The following FOXK2 variants were observed in gnomAD, a reference collection of about 807,000 sequenced individuals.
FOXK2 encodes forkhead box protein K2.
In FOXK2, 24 loss-of-function variants were observed where a neutral mutation model predicts 53.3. The ratio of observed to expected loss-of-function variants is 0.45; its 90% confidence interval spans 0.33 to 0.63. The LOEUF (loss-of-function observed/expected upper bound fraction) is 0.63. FOXK2 is among the 30% of genes least tolerant of loss of function. The pLI is 0.03. For synonymous variants in FOXK2, 505 were observed against 407.1 expected (o/e 1.24, Z -2.89); for missense variants, 952 against 910.5 (o/e 1.05, Z -0.59).
intron 1 of FOXK2, among the ~76,000 whole-genome samples, chr17:82,537,638 AAAAAG>A (rs2044533399): frequency 6.7e-6 from 1 of 150,310 alleles, no homozygotes; most frequent in Non-Finnish European, 1.5e-5. Context: ...AAAAAAAAAA[AAAAAG>A]GCCAGGCACA....
rs759217186 is a variant in FOXK2 at position 82,587,288 on chromosome 17, C to T, written c.1786+16C>T. On this transcript the variant is annotated intron_variant, in intron 8 of 8. Transcript: ENST00000335255. The stretch of plus-strand genomic sequence containing the variant: ...GTGAACAATGGTAAGACATGCTGGT[C>T]GGTGGCTCCCCGTGGCTGTGGGTAC... 8.1e-6 allele frequency: 13 copies of T among 1,602,516 alleles called. No homozygotes were observed. The East Asian group carries it at 1.8e-4, about 22-fold the overall frequency.
In FOXK2 at chr17:82,563,489, C is replaced by T. The variant is rs1054914322; in HGVS notation, c.555C>T (p.Asn185=). The T allele has an allele frequency of 2.5e-6, 4 of 1,614,144 alleles. No homozygotes were observed. The Admixed American group carries it at 6.7e-5, about 27-fold the overall frequency. ...VQPHISPLTI[N]IPDTMAHLIS... is the part of the protein sequence containing the mutation. Reference sequence around the variant, plus strand: ...CACACATCTCGCCCCTGACCATCAACATTCCAGACACCATGGCCCACCTCA... The same window carrying T: ...CACACATCTCGCCCCTGACCATCAATATTCCAGACACCATGGCCCACCTCA... The change falls in exon 2 of 9, where the codon AAC becomes AAT. Residue 185 remains asparagine, a synonymous_variant. Transcript: ENST00000335255.
intron 1 of FOXK2, among the ~76,000 whole-genome samples, chr17:82,557,462 G>A (rs146571853): frequency 1.3e-3 from 196 of 152,236 alleles, no homozygotes; most frequent in Non-Finnish European, 2.4e-3. Flanking sequence ...TCGTGCCTCA[G>A]CCTCCCAAGT....
chr17:82,560,592 G>C (rs140730883), intron 1 of FOXK2, among the ~76,000 whole-genome samples: 2 of 152,168 alleles, frequency 1.3e-5, no homozygotes, highest in Admixed American at 1.3e-4. Flanking sequence ...CATTGGTTTC[G>C]ATACCAGTGG....
At chr17:82,580,987 G>A (rs1011855032) in intron 4 of FOXK2, among the ~76,000 whole-genome samples, 5 of 152,252 alleles carry the variant, frequency 3.3e-5, no homozygotes, top group African/African-American at 4.8e-5. Context: ...ATGGCACTTG[G>A]ACAACCCCTG....
intron 4 of FOXK2, among the ~76,000 whole-genome samples, chr17:82,574,240 T>C (rs11653286): frequency 0.59 from 90,021 of 151,960 alleles, 27,275 homozygotes; most frequent in South Asian, 0.79. Flanking sequence ...TGTCATTTCA[T>C]GCCTCGTGGC....
chr17:82,520,216 G>T lies in FOXK2; in HGVS notation c.328G>T (p.Asp110Tyr). ...GCAGCCCAGGCCCGACGCCGGCGGC[G>T]ACTTCTACCTGCGCTGCTTGGGCAA... ...PAQPRPDAGG[D>Y]FYLRCLGKNG... Residue 110 changes from aspartate to tyrosine, a missense_variant, in exon 1 of 9, where the codon GAC becomes TAC. Physicochemically the swap from Asp to Tyr is radical, Grantham distance 160. Around this residue, in one of 5 missense-constraint regions of FOXK2, gnomAD observed 163 missense variants for 165.5 expected, o/e 0.98. Transcript: ENST00000335255. The T allele has an allele frequency of 7.5e-7, 1 of 1,326,308 alleles. No individual in the cohort carries two copies. The highest frequency in any genetic ancestry group is 9.6e-7 in the Non-Finnish European group (1 of 1,039,488). 82.2% of individuals were successfully genotyped at this position (1,326,308 alleles called of 1,614,324 possible).
Position 82,596,227 on chromosome 17 carries a change from C to T in FOXK2, c.1787-5076C>T, listed in dbSNP as rs79387310. On this transcript the variant is annotated intron_variant, in intron 8 of 8. Coordinates refer to ENST00000335255, the MANE Select transcript of FOXK2 (RefSeq NM_004514.4). ...GCTTCGCCTTCAGTAGCCTGAGTCCCTTCTTCTTTTTCTTTCACGTTACTA... is the reference window on the plus strand; with the variant it reads ...GCTTCGCCTTCAGTAGCCTGAGTCCTTTCTTCTTTTTCTTTCACGTTACTA... The T allele has an allele frequency of 7.6e-4, 746 of 987,722 alleles. 8 individuals carry two copies. In the African/African-American group the frequency reaches 0.012, roughly 16 times the overall value. 61.2% of individuals were successfully genotyped at this position (987,722 alleles called of 1,614,324 possible).
In FOXK2 at chr17:82,602,967, G is replaced by A. The variant is rs993578473; in HGVS notation, c.*1468G>A. Reference sequence around the variant, plus strand: ...TGTATTTTCCTGGTGGGATGAAATAGGGATGAAATGGCTCAGAATGGTATA... The same window carrying A: ...TGTATTTTCCTGGTGGGATGAAATAAGGATGAAATGGCTCAGAATGGTATA... On this transcript the variant is annotated 3_prime_UTR_variant, in exon 9 of 9. Transcript: ENST00000335255. The A allele has an allele frequency of 1.5e-4, 23 of 152,710 alleles. No homozygotes were observed. Among genetic ancestry groups the A allele is most frequent in the African/African-American group, 5.5e-4 (23 of 41,558 alleles). 9.5% of individuals were successfully genotyped at this position (152,710 alleles called of 1,614,324 possible).
chr17:82,563,635 T>A, intron 2 of FOXK2, 87 bp downstream of exon 2: 1 of 1,195,510 alleles, frequency 8.4e-7, no homozygotes, highest in Non-Finnish European at 1.2e-6. Context: ...GGTGCTGACT[T>A]ATGTGGAGAG....
chr17:82,536,221 T>C (rs936090620), intron 1 of FOXK2, among the ~76,000 whole-genome samples: 5 of 152,186 alleles, frequency 3.3e-5, no homozygotes, highest in Non-Finnish European at 5.9e-5. Context: ...GGCAGTTGTT[T>C]CAAAGTCTTT....
At chr17:82,591,188 G>A (rs1022015633) in intron 8 of FOXK2, among the ~76,000 whole-genome samples, 1 of 152,102 alleles carries the variant, frequency 6.6e-6, no homozygotes, top group African/African-American at 2.4e-5. Context: ...GCAGGCGCAG[G>A]GCATGAGCTG....
At chr17:82,589,005 A>T (rs1436891552) in intron 8 of FOXK2, among the ~76,000 whole-genome samples, 1 of 151,798 alleles carries the variant, frequency 6.6e-6, no homozygotes, top group East Asian at 1.9e-4. Flanking sequence ...TTCCAGTGAG[A>T]TGAGATCATG....
At chr17:82,587,853 T>G (rs1225619450) in intron 8 of FOXK2, among the ~76,000 whole-genome samples, 2 of 152,322 alleles carry the variant, frequency 1.3e-5, no homozygotes, top group Admixed American at 1.3e-4. Flanking sequence ...CATTGGGGCC[T>G]GGCTCAGGTG....
At chr17:82,522,827 G>A (rs1599874421) in intron 1 of FOXK2, among the ~76,000 whole-genome samples, 1 of 151,780 alleles carries the variant, frequency 6.6e-6, no homozygotes, top group Non-Finnish European at 1.5e-5. Context: ...ACGGAGTCTC[G>A]CTCTGTTGCC....
intron 4 of FOXK2, chr17:82,578,123 C>T (rs1267023043): frequency 6.6e-6 from 1 of 152,340 alleles, no homozygotes; most frequent in African/African-American, 2.4e-5. Context: ...TTAGACCCAT[C>T]CTCTGAAAGG....
At chr17:82,552,710 T>C (rs2044688251) in intron 1 of FOXK2, among the ~76,000 whole-genome samples, 1 of 152,136 alleles carries the variant, frequency 6.6e-6, no homozygotes, top group South Asian at 2.1e-4. Context: ...ACCATGGCCG[T>C]GTTACCCTGG....
chr17:82,549,057 G>T (rs576545027), intron 1 of FOXK2, among the ~76,000 whole-genome samples: 1 of 152,330 alleles, frequency 6.6e-6, no homozygotes, highest in African/African-American at 2.4e-5. Flanking sequence ...GCAGGACCTG[G>T]AGTGGAAATC....
chr17:82,586,030 A>C lies in FOXK2; in HGVS notation c.1406A>C (p.Gln469Pro). The C allele has an allele frequency of 6.2e-7, 1 of 1,612,824 alleles. No individual in the cohort carries two copies. The highest frequency in any genetic ancestry group is 8.5e-7 in the Non-Finnish European group (1 of 1,179,992). Residue 469 changes from glutamine (Q) to proline (P), a missense_variant, in exon 7 of 9, where the codon CAG (glutamine) becomes CCG (proline). Transcript: ENST00000335255. The stretch of plus-strand genomic sequence containing the variant: ...TCGACCTCCCAGCCACCCGTCGTGC[A>C]GACGGTTCACGTCGTCCACCAGATC... ...TTSTSQPPVV[Q>P]TVHVVHQIPA...
Sources: allele counts gnomAD v4.1 joint callset (sites outside exome capture counted in the v4.1 genomes callset), GRCh38; gene constraint gnomAD v4.1.1; regional missense constraint gnomAD v4.1.1; transcripts MANE v1.5; gene names NCBI Gene and HGNC (gene_info 2026-07-23, HGNC 2026-07-21).